Variants in KAZN observed in about 807,000 individuals in gnomAD.
The protein encoded by KAZN is kazrin, periplakin interacting protein, also known as kazrin.
Under a neutral mutation model 87.4 loss-of-function variants are expected in KAZN, and 40 were observed. The ratio of observed to expected loss-of-function variants is 0.46; its 90% CI spans 0.36 to 0.60. The LOEUF is 0.60. Among genes scored for constraint, KAZN ranks in the 20% least tolerant of loss-of-function variants. The probability of loss-of-function intolerance (pLI) is 0.00; values close to 1 mark genes in which losing one functional copy is unlikely to be tolerated. For synonymous variants in KAZN, 466 were observed against 458.3 expected (o/e 1.02, Z -0.22); for missense variants, 898 against 1,073.9 (o/e 0.84, Z 2.29).
intron 8 of KAZN, 109 bp downstream of exon 8, chr1:15,065,862 G>C (rs1639187486): frequency 6.5e-7 from 1 of 1,537,734 alleles, no homozygotes; most frequent in East Asian, 2.3e-5. Context: ...GTGCAAGCGA[G>C]CGTGGGTGCG....
chr1:14,334,752 T>C (rs1355181853), intron 2 of KAZN, among the ~76,000 whole-genome samples: 1 of 152,188 alleles, frequency 6.6e-6, no homozygotes, highest in Admixed American at 6.5e-5. Context: ...GAGTTCCCTG[T>C]CACATGGACC....
At chr1:14,246,826 T>G (rs745535943) in intron 2 of KAZN, among the ~76,000 whole-genome samples, 9 of 152,242 alleles carry the variant, frequency 5.9e-5, no homozygotes, top group Non-Finnish European at 1.3e-4. Context: ...ATATTATGTG[T>G]GTGAGCTTCC....
At chr1:14,127,909 G>A (rs1158432975) in intron 1 of KAZN, among the ~76,000 whole-genome samples, 3 of 152,154 alleles carry the variant, frequency 2.0e-5, no homozygotes, top group Admixed American at 6.5e-5. Flanking sequence ...ATGTTGTGAG[G>A]TCCCTGGGTC....
At chr1:13,985,566 GGA>G (rs1174506369) in intron 1 of KAZN, among the ~76,000 whole-genome samples, 7 of 109,552 alleles carry the variant, frequency 6.4e-5, no homozygotes, top group African/African-American at 2.1e-4. Flanking sequence ...TGGGGTGGGG[GGA>G]GGGGGGAGGG....
chr1:14,638,978 C>T (rs1680217315), intron 1 of KAZN, among the ~76,000 whole-genome samples: 1 of 152,200 alleles, frequency 6.6e-6, no homozygotes, highest in African/African-American at 2.4e-5. Flanking sequence ...GTCCTCCAAC[C>T]CTTCCTCAGT....
At chr1:14,096,018 T>C (rs1232284978) in intron 1 of KAZN, among the ~76,000 whole-genome samples, 1 of 152,210 alleles carries the variant, frequency 6.6e-6, no homozygotes, top group African/African-American at 2.4e-5. Flanking sequence ...ATGAAATTGC[T>C]TCTTATAGGC....
chr1:14,108,533 G>C (rs1329541153), intron 1 of KAZN, among the ~76,000 whole-genome samples: 2 of 152,142 alleles, frequency 1.3e-5, no homozygotes, highest in Non-Finnish European at 2.9e-5. Flanking sequence ...TCCCTCCCAG[G>C]AGGCAGGTGG....
At chr1:14,164,972 C>T (rs1416676820) in intron 1 of KAZN, among the ~76,000 whole-genome samples, 1 of 152,152 alleles carries the variant, frequency 6.6e-6, no homozygotes, top group African/African-American at 2.4e-5. Context: ...TCCTCTTTTC[C>T]AGGGTGTCGG....
At chr1:14,120,313 G>A (rs927520203) in intron 1 of KAZN, among the ~76,000 whole-genome samples, 1 of 152,006 alleles carries the variant, frequency 6.6e-6, no homozygotes, top group Non-Finnish European at 1.5e-5. Context: ...AAACAACCAG[G>A]TCTCGTGAGA....
chr1:14,705,711 G>A (rs917356661), intron 1 of KAZN, among the ~76,000 whole-genome samples: 22 of 152,322 alleles, frequency 1.4e-4, no homozygotes, highest in African/African-American at 5.3e-4. Flanking sequence ...TCTCACTCAT[G>A]TGTGGAAGCT....
At chr1:14,402,808 C>T (rs1364413910) in intron 2 of KAZN, among the ~76,000 whole-genome samples, 1 of 151,994 alleles carries the variant, frequency 6.6e-6, no homozygotes, top group African/African-American at 2.4e-5. Flanking sequence ...ATAAAAATCT[C>T]ACAGACCCAA....
intron 1 of KAZN, among the ~76,000 whole-genome samples, chr1:14,748,952 A>C (rs1170536984): frequency 1.3e-5 from 2 of 152,206 alleles, no homozygotes; most frequent in Non-Finnish European, 2.9e-5. Context: ...CAAACATCAG[A>C]ATGGTCTCCT....
intron 1 of KAZN, among the ~76,000 whole-genome samples, chr1:14,775,778 C>T (rs1348836165): frequency 6.6e-6 from 1 of 152,226 alleles, no homozygotes; most frequent in East Asian, 1.9e-4. Context: ...TCATAAGATA[C>T]ATGTCAGCCA....
intron 2 of KAZN, among the ~76,000 whole-genome samples, chr1:14,207,847 T>A (rs1156566426): frequency 2.0e-5 from 3 of 152,192 alleles, no homozygotes; most frequent in Non-Finnish European, 4.4e-5. Context: ...CAAGACCTGC[T>A]GTGGGGTGGT....
intron 1 of KAZN, among the ~76,000 whole-genome samples, chr1:14,873,225 T>C (rs1652384678): frequency 6.6e-6 from 1 of 152,244 alleles, no homozygotes; most frequent in South Asian, 2.1e-4. Context: ...TGCTATGCAC[T>C]AGGCATTATT....
intron 1 of KAZN, among the ~76,000 whole-genome samples, chr1:13,930,061 A>G (rs557528726): frequency 6.6e-6 from 1 of 152,186 alleles, no homozygotes; most frequent in Admixed American, 6.5e-5. Flanking sequence ...CCTTCTCTGT[A>G]TATTATATAG....
intron 2 of KAZN, among the ~76,000 whole-genome samples, chr1:14,493,044 C>G (rs558522192): frequency 6.6e-6 from 1 of 152,186 alleles, no homozygotes; most frequent in East Asian, 1.9e-4. Flanking sequence ...GCTTGTCCCC[C>G]ACCTCTCTCA....
At chr1:14,958,549 A>T (rs1663443970) in intron 1 of KAZN, among the ~76,000 whole-genome samples, 1 of 152,196 alleles carries the variant, frequency 6.6e-6, no homozygotes, top group Non-Finnish European at 1.5e-5. Context: ...ACAGCCAATG[A>T]GGGTTAGACC....
At chr1:14,179,182 G>GGAGATC (rs1646144816) in intron 1 of KAZN, among the ~76,000 whole-genome samples, 1 of 152,118 alleles carries the variant, frequency 6.6e-6, no homozygotes, top group Non-Finnish European at 1.5e-5. Context: ...GCAGATCTTT[G>GGAGATC]GAGATCTAGG....
Sources: gnomAD v4.1 joint callset for allele counts (sites outside exome capture counted in the v4.1 genomes callset) on GRCh38, gnomAD v4.1.1 for gene constraint, MANE v1.5 for transcripts, NCBI Gene and HGNC (gene_info 2026-07-23, HGNC 2026-07-21) for gene names.